KLF13: variants seen among roughly 807,000 people sequenced by gnomAD.
KLF13 encodes the protein KLF transcription factor 13, also known as Krueppel-like factor 13.
In KLF13, 8 loss-of-function variants were observed where a neutral mutation model predicts 16.7. The observed-to-expected ratio is 0.48, with a 90% CI of 0.28 to 0.87. The LOEUF (loss-of-function observed/expected upper bound fraction) is 0.87. Ranked by LOEUF, KLF13 falls within the 40% of genes least tolerant of loss-of-function variation. The pLI is 0.10. For missense variants in KLF13, 447 were observed against 452.2 expected, an observed-to-expected ratio of 0.99 and a Z score of 0.10; for synonymous variants, 245 against 208.4, an observed-to-expected ratio of 1.18 and a Z score of -1.51.
At chr15:31,386,873 G>A (rs1340965941) in intron 1 of KLF13, among the ~76,000 whole-genome samples, 1 of 152,188 alleles carries the variant, frequency 6.6e-6, no homozygotes, top group Non-Finnish European at 1.5e-5. Context: ...AGAAATGGAA[G>A]AACAAAGCCT....
intron 1 of KLF13, among the ~76,000 whole-genome samples, chr15:31,368,098 C>G (rs1448141139): frequency 1.3e-5 from 2 of 151,614 alleles, no homozygotes; most frequent in Non-Finnish European, 2.9e-5. Flanking sequence ...GAGCTCATCT[C>G]CAGATCCTGA....
At chr15:31,399,610 G>A (rs547138132) in intron 2 of KLF13, among the ~76,000 whole-genome samples, 1 of 152,306 alleles carries the variant, frequency 6.6e-6, no homozygotes, top group South Asian at 2.1e-4. Flanking sequence ...TCCTAGATGA[G>A]GTCCAAGGGT....
chr15:31,355,330 G>A (rs993212855), intron 1 of KLF13, among the ~76,000 whole-genome samples: 5 of 152,198 alleles, frequency 3.3e-5, no homozygotes, highest in African/African-American at 1.2e-4. Flanking sequence ...CTGAAGAGGA[G>A]CTACTAGGAG....
chr15:31,353,735 G>A (rs2039254627), intron 1 of KLF13, among the ~76,000 whole-genome samples: 1 of 152,184 alleles, frequency 6.6e-6, no homozygotes, highest in Admixed American at 6.5e-5. Context: ...AGTTCCAACA[G>A]TGAGCTGGCA....
chr15:31,407,809 A>G (rs2040146663), downstream of KLF13, among the ~76,000 whole-genome samples: 1 of 152,212 alleles, frequency 6.6e-6, no homozygotes, highest in Non-Finnish European at 1.5e-5. Flanking sequence ...GACTCTTTCT[A>G]CAGAGACCAG....
At chr15:31,421,770 G>GGAAGGAAGTGTTGACTGGGAATGC (rs2040327473) in intron 1 of KLF13, among the ~76,000 whole-genome samples, 1 of 152,004 alleles carries the variant, frequency 6.6e-6, no homozygotes, top group East Asian at 1.9e-4. Flanking sequence ...CAACAAAATG[G>GGAAGGAAGTGTTGACTGGGAATGC]CAAAGTATGT....
At chr15:31,407,962 C>T (rs962762839), downstream of KLF13, among the ~76,000 whole-genome samples, 1 of 152,074 alleles carries the variant, frequency 6.6e-6, no homozygotes, top group Non-Finnish European at 1.5e-5. Flanking sequence ...AGAGACATTC[C>T]TACTAAGGTT....
intron 1 of KLF13, among the ~76,000 whole-genome samples, chr15:31,354,810 C>G (rs11633384): frequency 6.6e-6 from 1 of 152,148 alleles, no homozygotes; most frequent in Non-Finnish European, 1.5e-5. Flanking sequence ...CCACCACCGT[C>G]CTCTCCAGTT....
intron 1 of KLF13, among the ~76,000 whole-genome samples, chr15:31,356,719 T>C (rs566495483): frequency 6.6e-6 from 1 of 152,382 alleles, no homozygotes; most frequent in East Asian, 1.9e-4. Flanking sequence ...AATGGTTTAC[T>C]CGTGCGGTTT....
At chr15:31,355,281 C>G (rs2039283102) in intron 1 of KLF13, among the ~76,000 whole-genome samples, 1 of 152,158 alleles carries the variant, frequency 6.6e-6, no homozygotes, top group Admixed American at 6.5e-5. Flanking sequence ...TCTCCACATG[C>G]CTTGGGGAGA....
Position 31,375,451 on chromosome 15 carries a change from C to G in KLF13, c.*3152C>G, listed in dbSNP as rs1224984376. ...GCCAGTTTTGGTGGGGTTGAGGAAC[C>G]CATAGGACTCATAGAAATAATAGTG... On this transcript the variant is annotated 3_prime_UTR_variant, in exon 2 of 2. Transcript: ENST00000307145. 1 of 152,168 alleles carries G rather than the reference C, an allele frequency of 6.6e-6. No homozygotes were observed. The highest frequency in any genetic ancestry group is 2.4e-5 in the African/African-American group (1 of 41,424). 9.4% of individuals were successfully genotyped at this position (152,168 alleles called of 1,614,324 possible). A position where few individuals can be genotyped will look rare whatever the true frequency, so the allele number is the denominator to read the frequency against.
At chr15:31,378,999 A>G (rs1160315951), downstream of KLF13, among the ~76,000 whole-genome samples, 2 of 152,158 alleles carry the variant, frequency 1.3e-5, no homozygotes, top group African/African-American at 4.8e-5. Flanking sequence ...GGATTACAGG[A>G]TTGAGCCACC....
intron 1 of KLF13, 81 bp from the exon 2 acceptor site, chr15:31,371,929 G>T: frequency 7.0e-7 from 1 of 1,437,906 alleles, no homozygotes; most frequent in Non-Finnish European, 9.4e-7. Flanking sequence ...CCAGGGTGTT[G>T]GGTGTTGCGG....
chr15:31,419,923 A>T (rs1214786093), intron 1 of KLF13, among the ~76,000 whole-genome samples: 1 of 152,174 alleles, frequency 6.6e-6, no homozygotes, highest in South Asian at 2.1e-4. Context: ...ATAAAGAGAG[A>T]GTCTTGAAAA....
At chr15:31,342,801 G>C (rs541561545) in intron 1 of KLF13, among the ~76,000 whole-genome samples, 413 of 152,290 alleles carry the variant, frequency 2.7e-3, no homozygotes, top group Non-Finnish European at 4.9e-3. Context: ...CTTGAGGCTG[G>C]CCTCTTGGCT....
At chr15:31,397,453 A>G (rs2039969448) in intron 2 of KLF13, among the ~76,000 whole-genome samples, 2 of 152,228 alleles carry the variant, frequency 1.3e-5, no homozygotes, top group Admixed American at 6.5e-5. Context: ...CAAAGGCTGC[A>G]GGCCAAGAGG....
chr15:31,345,931 G>A (rs918430930), intron 1 of KLF13, among the ~76,000 whole-genome samples: 63 of 152,134 alleles, frequency 4.1e-4, no homozygotes, highest in African/African-American at 1.5e-3. Flanking sequence ...GGAGGGTTCC[G>A]TTTGTAGGCA....
chr15:31,377,644 C>T lies in KLF13; in HGVS notation c.*5345C>T, dbSNP rs749700902. ...GTAGGAACTTTTTTTTAACCAGCAC[C>T]CACCATAATTCCGAAGGCCACGTTT... On this transcript the variant is annotated 3_prime_UTR_variant, in exon 2 of 2. Transcript: ENST00000307145. 5 of 152,588 alleles carry T rather than the reference C, an allele frequency of 3.3e-5. No homozygotes were observed. The highest frequency in any genetic ancestry group is 6.5e-5 in the Admixed American group (1 of 15,276). The allele number at this position is 152,588 out of a possible 1,614,324, so 9.5% of individuals were successfully genotyped here. A position where few individuals can be genotyped will look rare whatever the true frequency, so the allele number is the denominator to read the frequency against.
chr15:31,345,282 G>A (rs145886591), intron 1 of KLF13, among the ~76,000 whole-genome samples: 1 of 152,316 alleles, frequency 6.6e-6, no homozygotes, highest in Non-Finnish European at 1.5e-5. Context: ...TGTCATGAGG[G>A]GCCTGGCTTT....
Sources: allele counts gnomAD v4.1 joint callset (sites outside exome capture counted in the v4.1 genomes callset), GRCh38; gene constraint gnomAD v4.1.1; transcripts MANE v1.5; gene names NCBI Gene and HGNC (gene_info 2026-07-23, HGNC 2026-07-21).